The following SUCLA2 variants were observed in gnomAD, a reference collection of about 807,000 sequenced individuals.
SUCLA2 encodes succinate-CoA ligase ADP-forming subunit beta.
A neutral mutation model predicts 54.8 loss-of-function variants in SUCLA2; 30 were observed. The ratio of observed to expected loss-of-function variants is 0.55; its 90% CI spans 0.41 to 0.74. The LOEUF (loss-of-function observed/expected upper bound fraction) is 0.74. Among genes scored for constraint, SUCLA2 ranks in the 30% least tolerant of loss-of-function variants. SUCLA2 has a pLI of 0.00. For synonymous variants in SUCLA2, 172 were observed against 188.9 expected (o/e 0.91, Z 0.74); for missense variants, 476 against 562.9 (o/e 0.85, Z 1.56).
intron 1 of SUCLA2, among the ~76,000 whole-genome samples, chr13:47,997,977 A>G (rs779980571): frequency 6.6e-6 from 1 of 152,190 alleles, no homozygotes; most frequent in African/African-American, 2.4e-5. Context: ...TAAGAACCCT[A>G]CAGTTATGAG....
chr13:47,982,189 A>G (rs1486677462), intron 4 of SUCLA2, among the ~76,000 whole-genome samples: 1 of 152,244 alleles, frequency 6.6e-6, no homozygotes. Flanking sequence ...CAAGAGATGA[A>G]AGCAATCTGA....
At chr13:47,960,638 C>A (rs1949863119) in intron 6 of SUCLA2, among the ~76,000 whole-genome samples, 1 of 151,842 alleles carries the variant, frequency 6.6e-6, no homozygotes, top group Admixed American at 6.6e-5. Context: ...TAGGATTTCT[C>A]TTCAAACTAA....
At chr13:47,974,921 T>C (rs1421196871) in intron 4 of SUCLA2, among the ~76,000 whole-genome samples, 1 of 152,176 alleles carries the variant, frequency 6.6e-6, no homozygotes, top group Admixed American at 6.5e-5. Context: ...TACAAAGCCC[T>C]AGGTCGTTTT....
intron 6 of SUCLA2, among the ~76,000 whole-genome samples, chr13:47,962,526 T>C (rs1259804392): frequency 1.3e-5 from 2 of 152,138 alleles, no homozygotes; most frequent in African/African-American, 4.8e-5. Flanking sequence ...ATTTTGCAGG[T>C]AGATTGGTAG....
At chr13:47,986,029 G>GTT (rs36000556) in intron 4 of SUCLA2, among the ~76,000 whole-genome samples, 17,764 of 122,024 alleles carry the variant, frequency 0.15, 1,950 homozygotes, top group South Asian at 0.29. Flanking sequence ...CATATGTATA[G>GTT]TTTTTTTTTT....
At chr13:47,962,223 T>C (rs1397864926) in intron 6 of SUCLA2, among the ~76,000 whole-genome samples, 1 of 152,232 alleles carries the variant, frequency 6.6e-6, no homozygotes, top group Non-Finnish European at 1.5e-5. Context: ...GAGTAGAGGA[T>C]ACTTTAATAA....
At chr13:47,964,544 G>A (rs1468363736) in intron 6 of SUCLA2, among the ~76,000 whole-genome samples, 2 of 152,094 alleles carry the variant, frequency 1.3e-5, no homozygotes, top group Non-Finnish European at 2.9e-5. Flanking sequence ...TAACTGTTTG[G>A]GTATATACAG....
At chr13:47,955,450 C>T (rs1435184677) in intron 6 of SUCLA2, among the ~76,000 whole-genome samples, 1 of 152,124 alleles carries the variant, frequency 6.6e-6, no homozygotes. Context: ...AATCCACCCG[C>T]CTCAGCCTCT....
Position 47,973,286 on chromosome 13 carries a change from A to G in SUCLA2, c.641T>C (p.Ile214Thr), listed in dbSNP as rs755007042. 14 of 1,613,184 alleles carry G rather than the reference A, an allele frequency of 8.7e-6. No individual in the cohort carries two copies. The African/African-American group carries it at 1.9e-4, about 22-fold the overall frequency. ...TACCTGGAGAGCTTGTTCCTTTTTG[A>G]TGCCTTCTTCAATATCAATAGGTTC... ...IKEPIDIEEG[I>T]KKEQALQLAQ... The change falls in exon 5 of 11, where the codon ATC becomes ACC. Residue 214 changes from isoleucine to threonine, a missense_variant. Ile to Thr is a moderately conservative substitution (Grantham distance 89). Coordinates refer to ENST00000646932, the MANE Select transcript of SUCLA2 (RefSeq NM_003850.3).
chr13:47,953,310 C>G (rs1198015730), intron 8 of SUCLA2, among the ~76,000 whole-genome samples: 1 of 152,120 alleles, frequency 6.6e-6, no homozygotes, highest in Non-Finnish European at 1.5e-5. Context: ...CAACTCAATT[C>G]TAGTAGTAAG....
At chr13:47,955,281 A>T (rs1949811149) in intron 6 of SUCLA2, among the ~76,000 whole-genome samples, 1 of 152,086 alleles carries the variant, frequency 6.6e-6, no homozygotes, top group Non-Finnish European at 1.5e-5. Flanking sequence ...AGCTCACTTC[A>T]ACCTCCACCT....
At chr13:47,982,230 A>G (rs1950065754) in intron 4 of SUCLA2, among the ~76,000 whole-genome samples, 1 of 152,192 alleles carries the variant, frequency 6.6e-6, no homozygotes, top group African/African-American at 2.4e-5. Flanking sequence ...GGATAAAGAA[A>G]ATGCAGTATA....
At chr13:47,981,155 A>C (rs1326666859) in intron 4 of SUCLA2, among the ~76,000 whole-genome samples, 1 of 152,240 alleles carries the variant, frequency 6.6e-6, no homozygotes, top group Non-Finnish European at 1.5e-5. Context: ...CAAAGTAAAA[A>C]GGCAATCTAC....
At position 47,949,885 on chromosome 13, in the gene SUCLA2, T is replaced by C. The variant is rs12874522; in HGVS notation, c.1108-282A>G. ...ACCATCTAATTCCATTTACTTTCTCTTGTTAAATTTGGCCATTCACCAACG... is the reference window on the plus strand; with the variant it reads ...ACCATCTAATTCCATTTACTTTCTCCTGTTAAATTTGGCCATTCACCAACG... On this transcript the variant is annotated intron_variant, in intron 8 of 10. Transcript: ENST00000646932. Among the ~76,000 whole-genome samples, 142,486 of 152,284 alleles carry C rather than the reference T, an allele frequency of 0.94. 66,691 individuals carry two copies. Among genetic ancestry groups the C allele is most frequent in the East Asian group, 1 (5,167 of 5,184 alleles).
chr13:47,981,971 CGA>C (rs1950063817), intron 4 of SUCLA2, among the ~76,000 whole-genome samples: 1 of 152,072 alleles, frequency 6.6e-6, no homozygotes, highest in Non-Finnish European at 1.5e-5. Flanking sequence ...GGAGACATAG[CGA>C]GACTCTGTCT....
At chr13:47,982,616 CTCCTTCCT>C (rs1232853964) in intron 4 of SUCLA2, among the ~76,000 whole-genome samples, 2 of 151,944 alleles carry the variant, frequency 1.3e-5, no homozygotes, top group African/African-American at 4.8e-5. Context: ...TCCTCTCTCC[CTCCTTCCT>C]TCCTTCCTTC....
intron 4 of SUCLA2, among the ~76,000 whole-genome samples, chr13:47,983,489 CTTTTTTTT>C (rs10548877): frequency 7.5e-6 from 1 of 132,504 alleles, no homozygotes; most frequent in Non-Finnish European, 1.6e-5. Context: ...TTTCTTTTCC[CTTTTTTTT>C]TTTTTTTTTT....
intron 4 of SUCLA2, among the ~76,000 whole-genome samples, chr13:47,973,772 T>C (rs1451901763): frequency 3.3e-5 from 5 of 152,100 alleles, no homozygotes; most frequent in African/African-American, 9.7e-5. Context: ...AAAAAGAATG[T>C]GTTCATGTCC....
intron 6 of SUCLA2, among the ~76,000 whole-genome samples, chr13:47,962,871 T>A (rs555624087): frequency 9.9e-5 from 15 of 151,610 alleles, no homozygotes; most frequent in Non-Finnish European, 2.1e-4. Context: ...GAGTTTTTCC[T>A]CAGGAAGGGA....
Sources: allele counts gnomAD v4.1 joint callset (sites outside exome capture counted in the v4.1 genomes callset), GRCh38; gene constraint gnomAD v4.1.1; transcripts MANE v1.5; gene names NCBI Gene and HGNC (gene_info 2026-07-23, HGNC 2026-07-21).